Variants in NRXN1 observed in about 807,000 individuals in gnomAD.
NRXN1 encodes neurexin-1.
A neutral mutation model predicts 150.9 loss-of-function variants in NRXN1; 39 were observed. That is an observed-to-expected ratio of 0.26 (90% confidence interval 0.20 to 0.34). The LOEUF (loss-of-function observed/expected upper bound fraction) is 0.34, where lower values mean the gene tolerates loss of function less well. Ranked by LOEUF, NRXN1 falls within the 10% of genes least tolerant of loss-of-function variation. The pLI is 1.00. For missense variants in NRXN1, 1,815 were observed against 1,949.9 expected (o/e 0.93, Z 1.30); for synonymous variants, 924 against 757.0 (o/e 1.22, Z -3.62).
chr2:50,185,047 G>A (rs2060976990), intron 18 of NRXN1, among the ~76,000 whole-genome samples: 1 of 152,038 alleles, frequency 6.6e-6, no homozygotes, highest in Admixed American at 6.6e-5. Context: ...TGTGACCTTG[G>A]AGGAGACATA....
At chr2:50,452,752 A>G (rs552294577) in intron 17 of NRXN1, among the ~76,000 whole-genome samples, 4 of 152,314 alleles carry the variant, frequency 2.6e-5, no homozygotes, top group African/African-American at 9.6e-5. Flanking sequence ...CTGTTGATTC[A>G]AGTTTTTTGT....
intron 5 of NRXN1, among the ~76,000 whole-genome samples, chr2:50,647,834 T>A (rs1303923866): frequency 6.6e-6 from 1 of 151,892 alleles, no homozygotes; most frequent in African/African-American, 2.4e-5. Flanking sequence ...CTTTTCACAT[T>A]CTAATGACAG....
At chr2:50,218,446 T>C (rs1033744316) in intron 18 of NRXN1, among the ~76,000 whole-genome samples, 1 of 151,988 alleles carries the variant, frequency 6.6e-6, no homozygotes, top group Non-Finnish European at 1.5e-5. Flanking sequence ...ATCTCTCACA[T>C]TCTACTGGAG....
At chr2:50,546,240 C>T (rs1341108242) in intron 9 of NRXN1, among the ~76,000 whole-genome samples, 1 of 152,172 alleles carries the variant, frequency 6.6e-6, no homozygotes, top group Non-Finnish European at 1.5e-5. Flanking sequence ...GAAGGCTTGA[C>T]ACCCTTATCT....
chr2:50,842,955 C>T (rs9750648), intron 5 of NRXN1, among the ~76,000 whole-genome samples: 52,961 of 152,074 alleles, frequency 0.35, 10,528 homozygotes, highest in Non-Finnish European at 0.47. Context: ...GGATTTTATG[C>T]TTATTCCTAT....
chr2:50,485,615 T>C (rs1250600756), intron 15 of NRXN1, among the ~76,000 whole-genome samples: 1 of 152,202 alleles, frequency 6.6e-6, no homozygotes, highest in Non-Finnish European at 1.5e-5. Context: ...AAAGGATCCA[T>C]GGAAACTCCT....
chr2:50,249,813 T>A (rs562895712), intron 17 of NRXN1, among the ~76,000 whole-genome samples: 151 of 152,118 alleles, frequency 9.9e-4, no homozygotes, highest in African/African-American at 3.6e-3. Flanking sequence ...AATTTTTATA[T>A]TTTTAGTAGA....
At position 50,214,646 on chromosome 2, in the gene NRXN1, C is replaced by T. The variant is rs555133607; in HGVS notation, c.3546+22143G>A. Among the ~76,000 whole-genome samples, 28 of 152,040 alleles carry T rather than the reference C, an allele frequency of 1.8e-4. No homozygotes were observed. The East Asian group carries it at 5.2e-3, about 28-fold the overall frequency. ...CTACTTTCAACTCTTAAATAGAGAG[C>T]TTGACTTCTGATTTTTCTAAGGAGT... On this transcript the variant is annotated intron_variant, in intron 18 of 22. Coordinates refer to ENST00000401669, the MANE Select transcript of NRXN1 (RefSeq NM_001330078.2).
intron 18 of NRXN1, among the ~76,000 whole-genome samples, chr2:50,159,906 G>A (rs566371174): frequency 6.6e-6 from 1 of 151,964 alleles, no homozygotes; most frequent in Non-Finnish European, 1.5e-5. Flanking sequence ...ATTATTCAAC[G>A]TCCAAGACTT....
At chr2:50,672,926 C>T (rs1334984416) in intron 5 of NRXN1, among the ~76,000 whole-genome samples, 2 of 151,994 alleles carry the variant, frequency 1.3e-5, no homozygotes, top group Non-Finnish European at 2.9e-5. Flanking sequence ...TTGCAAAACA[C>T]TATATTGAGA....
At chr2:50,980,618 C>T (rs1410891328) in intron 2 of NRXN1, among the ~76,000 whole-genome samples, 3 of 151,890 alleles carry the variant, frequency 2.0e-5, no homozygotes, top group Non-Finnish European at 4.4e-5. Context: ...TATTATGAAG[C>T]AAATTTAGAA....
Position 50,320,283 on chromosome 2 carries a change from C to CATATATATATAT in NRXN1, c.3365-83325_3365-83314dup, listed in dbSNP as rs61282635. Among the ~76,000 whole-genome samples, 36 of 43,050 alleles carry CATATATATATAT rather than the reference C, an allele frequency of 8.4e-4. 1 individual carries two copies. Among genetic ancestry groups the CATATATATATAT allele is most frequent in the East Asian group, 3.8e-3 (2 of 528 alleles). The allele number at this position is 43,050 out of a possible 152,430, so 28.2% of individuals were successfully genotyped here. On this transcript the variant is annotated intron_variant, in intron 17 of 22. Transcript: ENST00000401669. ...TATTCATTTATTCTTATACCTCAAT[C>CATATATATATAT]ATATATATATATATATATATATATA... is the stretch of plus-strand genomic sequence containing the variant.
intron 5 of NRXN1, among the ~76,000 whole-genome samples, chr2:50,747,377 C>A (rs1367084527): frequency 6.6e-6 from 1 of 152,096 alleles, no homozygotes; most frequent in East Asian, 1.9e-4. Context: ...AATGAGGTTT[C>A]CTAATTTATA....
chr2:50,970,886 C>T (rs1694892125), intron 2 of NRXN1, among the ~76,000 whole-genome samples: 1 of 151,572 alleles, frequency 6.6e-6, no homozygotes, highest in African/African-American at 2.4e-5. Context: ...TCTTTGTTTC[C>T]AGAAATTTAC....
rs2093095341 is a variant in NRXN1, at chr2:50,531,246, C to T, written c.2328G>A (p.Val776=). ...TGTTACCTAGATTGACCGTCAGTTT[C>T]ACACGTCCTGCGTCTAGCTCCAGGC... ...TLRLELDAGR[V]KLTVNLDCIR... The change falls in exon 11 of 23, where the codon GTG becomes GTA. Residue 776 remains valine (V), a synonymous_variant. Transcript: ENST00000401669. 1.9e-6 allele frequency: 3 copies of T among 1,612,996 alleles called. No individual in the cohort carries two copies. In the African/African-American group the frequency reaches 4.0e-5, roughly 22 times the overall value.
intron 5 of NRXN1, among the ~76,000 whole-genome samples, chr2:50,800,796 C>T (rs207461745): frequency 5.3e-5 from 8 of 152,210 alleles, no homozygotes; most frequent in Non-Finnish European, 1.0e-4. Context: ...GTGATCCATC[C>T]GCCCCAGCCT....
At chr2:50,733,049 T>A (rs1698290360) in intron 5 of NRXN1, among the ~76,000 whole-genome samples, 1 of 152,188 alleles carries the variant, frequency 6.6e-6, no homozygotes, top group South Asian at 2.1e-4. Context: ...ACAGAATTAT[T>A]AATGTAACTG....
intron 11 of NRXN1, 171 bp from the exon 12 acceptor site, chr2:50,528,822 T>C (rs778053323): frequency 4.0e-5 from 20 of 501,058 alleles, no homozygotes; most frequent in Non-Finnish European, 6.8e-5. Flanking sequence ...GTTATAAAAG[T>C]TTACCATTGG....
chr2:50,999,649 G>A (rs558474811), intron 2 of NRXN1, among the ~76,000 whole-genome samples: 9 of 151,992 alleles, frequency 5.9e-5, no homozygotes, highest in South Asian at 2.1e-4. Context: ...GTGAAATATC[G>A]GGGGTGAATT....
Sources: gnomAD v4.1 joint callset for allele counts (sites outside exome capture counted in the v4.1 genomes callset) on GRCh38, gnomAD v4.1.1 for gene constraint, MANE v1.5 for transcripts, NCBI Gene and HGNC (gene_info 2026-07-23, HGNC 2026-07-21) for gene names.